The following CHD6 variants were observed in gnomAD, a reference collection of about 807,000 sequenced individuals.
CHD6 encodes chromodomain helicase DNA binding protein 6.
A neutral mutation model predicts 276.9 loss-of-function variants in CHD6; 50 were observed. The observed-to-expected ratio is 0.18, with a 90% confidence interval of 0.14 to 0.23. The LOEUF (loss-of-function observed/expected upper bound fraction) is 0.23. Ranked by LOEUF, CHD6 falls within the 10% of genes least tolerant of loss-of-function variation. CHD6 has a pLI of 1.00. For missense variants in CHD6, 2,564 were observed against 3,365.8 expected (o/e 0.76, Z 5.89); for synonymous variants, 1,173 against 1,229.3 (o/e 0.95, Z 0.96).
chr20:41,489,168 T>C (rs2145855681), intron 12 of CHD6, among the ~76,000 whole-genome samples: 1 of 152,316 alleles, frequency 6.6e-6, no homozygotes, highest in African/African-American at 2.4e-5. Context: ...TTCTTAAATG[T>C]CTTCCAAGTG....
intron 3 of CHD6, among the ~76,000 whole-genome samples, chr20:41,516,127 T>C (rs997258887): frequency 1.3e-5 from 2 of 152,152 alleles, no homozygotes; most frequent in African/African-American, 4.8e-5. Flanking sequence ...ACATGAATTA[T>C]TGCCTTTGCT....
In CHD6 at chr20:41,596,793, A is replaced by T. The variant is rs191909565; in HGVS notation, c.-24+21547T>A. Among the ~76,000 whole-genome samples, 3 of 152,310 alleles carry T rather than the reference A, an allele frequency of 2.0e-5. No individual in the cohort carries two copies. The East Asian group carries it at 5.8e-4, about 29-fold the overall frequency. ...AGGATCCCCTTGGGCAGGGGATGTG[A>T]AAGCTCCATTTTGTTACTAATAGTT... On this transcript the variant is annotated intron_variant, in intron 1 of 36. Coordinates refer to ENST00000373233, the MANE Select transcript of CHD6 (RefSeq NM_032221.5).
Position 41,404,793 on chromosome 20 carries a change from G to A in CHD6, c.7948C>T (p.Leu2650=). 2 of 1,613,026 alleles carry A rather than the reference G, an allele frequency of 1.2e-6. No homozygotes were observed. The highest frequency in any genetic ancestry group is 1.7e-6 in the Non-Finnish European group (2 of 1,179,376). Residue 2650 remains leucine (L), a synonymous_variant, in exon 37 of 37, where the codon CTG becomes TTG. Coordinates refer to ENST00000373233, the MANE Select transcript of CHD6 (RefSeq NM_032221.5). ...TTCTTCTTCCTCTTCTGGCTCTCCAGACCTACTATTTCCGAGTGTCTGGCC... is the reference window on the plus strand; with the variant it reads ...TTCTTCTTCCTCTTCTGGCTCTCCAAACCTACTATTTCCGAGTGTCTGGCC... ...QQARHSEIVG[L]ESQKRKKKKT...
chr20:41,415,829 T>G (rs894693320), intron 33 of CHD6, among the ~76,000 whole-genome samples, 191 bp from the exon 34 acceptor site: 1 of 152,196 alleles, frequency 6.6e-6, no homozygotes, highest in Non-Finnish European at 1.5e-5. Flanking sequence ...GGGTCTGAGG[T>G]AGAGCCTGAG....
intron 1 of CHD6, among the ~76,000 whole-genome samples, chr20:41,597,985 G>C (rs979758267): frequency 6.6e-6 from 1 of 152,100 alleles, no homozygotes; most frequent in Non-Finnish European, 1.5e-5. Context: ...TCTGCAAACA[G>C]AGCGTCTCTG....
At position 41,447,902 on chromosome 20, in the gene CHD6, T is replaced by G; in HGVS notation, c.3753A>C (p.Ala1251=). The G allele has an allele frequency of 6.2e-7, 1 of 1,611,312 alleles. No individual in the cohort carries two copies. The highest frequency in any genetic ancestry group is 1.1e-5 in the South Asian group (1 of 90,588). The part of the protein sequence containing the change: ...AEILGEAAEK[A]FEGSPARELD... ...TTTACCTGGCAGGAGATCCTTCAAA[T>G]GCTTTCTCAGCTGCTTCTCCCAGTA... The change falls in exon 24 of 37, where the codon GCA becomes GCC. Residue 1251 remains alanine (A), a synonymous_variant. Coordinates refer to ENST00000373233, the MANE Select transcript of CHD6 (RefSeq NM_032221.5).
chr20:41,469,237 C>T (rs1216802820), intron 17 of CHD6, among the ~76,000 whole-genome samples: 1 of 152,114 alleles, frequency 6.6e-6, no homozygotes, highest in Non-Finnish European at 1.5e-5. Context: ...CATCTGCTCC[C>T]ACACTTTCTG....
intron 3 of CHD6, among the ~76,000 whole-genome samples, chr20:41,520,049 C>T (rs187760620): frequency 6.6e-5 from 10 of 152,154 alleles, no homozygotes; most frequent in East Asian, 3.9e-4. Context: ...ACATTTATGC[C>T]GCCAAAAGAC....
chr20:41,553,438 T>C (rs887815861), intron 1 of CHD6, among the ~76,000 whole-genome samples: 5 of 152,258 alleles, frequency 3.3e-5, no homozygotes, highest in Non-Finnish European at 7.3e-5. Flanking sequence ...TCATAGCCTA[T>C]GCCCATTCCT....
Position 41,484,525 on chromosome 20 carries a change from T to C in CHD6, c.2084A>G (p.Gln695Arg), listed in dbSNP as rs1347235510. 5.6e-6 allele frequency: 9 copies of C among 1,613,822 alleles called. No individual in the cohort carries two copies. The highest frequency in any genetic ancestry group is 8.5e-7 in the Non-Finnish European group (1 of 1,179,892). The change falls in exon 15 of 37, where the codon CAA becomes CGA. Residue 695 changes from glutamine (Q) to arginine (R), a missense_variant. Gln to Arg is a conservative substitution (Grantham distance 43). Transcript: ENST00000373233. ...DDVEKNLAPK[Q>R]ETIIEVELTN... ...CAGTTCCACCTCAATGATCGTCTCTTGTTTGGGAGCAAGGTTCTTTTCCAC... is the reference window on the plus strand; with the variant it reads ...CAGTTCCACCTCAATGATCGTCTCTCGTTTGGGAGCAAGGTTCTTTTCCAC...
intron 14 of CHD6, among the ~76,000 whole-genome samples, chr20:41,484,992 T>A (rs1446094606): frequency 6.6e-6 from 1 of 152,210 alleles, no homozygotes; most frequent in African/African-American, 2.4e-5. Context: ...ATGAGTGATA[T>A]ATTACAAGGA....
At position 41,494,803 on chromosome 20, in the gene CHD6, C is replaced by G. The variant is rs2145879639; in HGVS notation, c.1093-859G>C. Among the ~76,000 whole-genome samples the G allele has an allele frequency of 2.0e-5, 3 of 152,322 alleles. No homozygotes were observed. In the South Asian group the frequency reaches 6.2e-4, roughly 32 times the overall value. ...TTTACAACATCCCTGGCAAGCCTCT[C>G]AGATTCAATTATTCCCAACTAAGAA... is the stretch of plus-strand genomic sequence containing the variant. On this transcript the variant is annotated intron_variant, in intron 8 of 36. Coordinates refer to ENST00000373233, the MANE Select transcript of CHD6 (RefSeq NM_032221.5).
chr20:41,406,168 G>A (rs988288446), intron 36 of CHD6, among the ~76,000 whole-genome samples: 5 of 152,206 alleles, frequency 3.3e-5, no homozygotes, highest in African/African-American at 1.2e-4. Flanking sequence ...ACAATGGGAT[G>A]TGTACATGTT....
chr20:41,402,668 T>C lies in CHD6; in HGVS notation c.*1925A>G. On this transcript the variant is annotated 3_prime_UTR_variant, in exon 37 of 37. Coordinates refer to ENST00000373233, the MANE Select transcript of CHD6 (RefSeq NM_032221.5). ...TTTTTTCTACTTGATAAAAAGAAAA[T>C]TAGTACTTAAAAGGTTCAAAAATAT... is the stretch of plus-strand genomic sequence containing the variant. The C allele has an allele frequency of 4.6e-6, 1 of 217,830 alleles. No individual in the cohort carries two copies. The highest frequency in any genetic ancestry group is 9.2e-6 in the Non-Finnish European group (1 of 108,480). 13.5% of individuals were successfully genotyped at this position (217,830 alleles called of 1,614,324 possible).
Position 41,421,355 on chromosome 20 carries a change from A to G in CHD6, c.5280T>C (p.Phe1760=), listed in dbSNP as rs777746792. The change falls in exon 31 of 37, where the codon TTT becomes TTC. Residue 1760 remains phenylalanine (F), a synonymous_variant. Coordinates refer to ENST00000373233, the MANE Select transcript of CHD6 (RefSeq NM_032221.5). ...CTCCTCCTGCTTCTAAGCTACCCAT[A>G]AAAGTAGGGCCAGAAGCTATTTCTG... is the stretch of plus-strand genomic sequence containing the variant. The part of the protein sequence containing the change: ...PEAEIASGPT[F]MGSLEAGGVA... 3 of 1,613,976 alleles carry G rather than the reference A, an allele frequency of 1.9e-6. No individual in the cohort carries two copies. The highest frequency in any genetic ancestry group is 3.3e-5 in the Admixed American group (2 of 60,000).
At chr20:41,416,992 G>T (rs1327439648) in intron 32 of CHD6, among the ~76,000 whole-genome samples, 198 bp from the exon 33 acceptor site, 1 of 152,172 alleles carries the variant, frequency 6.6e-6, no homozygotes, top group Non-Finnish European at 1.5e-5. Flanking sequence ...CTATAAATAA[G>T]AGGACAATTT....
At chr20:41,498,251 C>A in intron 6 of CHD6, 25 bp from the exon 7 acceptor site, 1 of 1,587,270 alleles carries the variant, frequency 6.3e-7, no homozygotes, top group South Asian at 1.1e-5. Context: ...AAGCAGTTAT[C>A]AGCCCAGATC....
intron 11 of CHD6, 89 bp from the exon 12 acceptor site, chr20:41,490,110 C>G (rs1274860209): frequency 1.9e-6 from 2 of 1,042,738 alleles, no homozygotes; most frequent in African/African-American, 3.2e-5. Flanking sequence ...CTTCACATAC[C>G]TGTAAGATTA....
At chr20:41,541,352 A>C (rs2044939042) in intron 2 of CHD6, among the ~76,000 whole-genome samples, 2 of 152,216 alleles carry the variant, frequency 1.3e-5, no homozygotes, top group Admixed American at 6.5e-5. Context: ...CCTGTGCTTT[A>C]GGTGACAAAG....
Sources: allele counts gnomAD v4.1 joint callset (sites outside exome capture counted in the v4.1 genomes callset), GRCh38; gene constraint gnomAD v4.1.1; transcripts MANE v1.5; gene names NCBI Gene and HGNC (gene_info 2026-07-23, HGNC 2026-07-21).